FBXW4: variants seen among roughly 807,000 people sequenced by gnomAD.
FBXW4 encodes the protein F-box/WD repeat-containing protein 4.
In FBXW4, 40 loss-of-function variants were observed where a neutral mutation model predicts 61.8. The observed-to-expected ratio is 0.65, with a 90% CI of 0.50 to 0.84. The LOEUF (loss-of-function observed/expected upper bound fraction) is 0.84, where lower values mean the gene tolerates loss of function less well. FBXW4 is among the 40% of genes least tolerant of loss of function. The pLI, the probability that FBXW4 is intolerant of heterozygous loss-of-function variation, is 0.00. For missense variants in FBXW4, 672 were observed against 753.8 expected (o/e 0.89, Z 1.27); for synonymous variants, 311 against 313.8 (o/e 0.99, Z 0.10).
At position 101,612,412 on chromosome 10, in the gene FBXW4, TA is replaced by T; in HGVS notation, c.1366del (p.Tyr456MetfsTer77). On this transcript the variant is annotated frameshift_variant, in exon 7 of 9. Transcript: ENST00000331272. LOFTEE classifies it high-confidence loss of function. ...GGACAGCAGTGTGAAAGGGGACTCA[TA>T]CATGACATCCAGCACCCCAGCCCCT... ...PPGAGVLDVM[Y>X]ESPFTLLSCG... The T allele has an allele frequency of 6.3e-7, 1 of 1,599,876 alleles. No homozygotes were observed. Among genetic ancestry groups the T allele is most frequent in the Non-Finnish European group, 8.5e-7 (1 of 1,172,870 alleles).
At chr10:101,638,208 G>A (rs2064020987) in intron 5 of FBXW4, among the ~76,000 whole-genome samples, 1 of 152,162 alleles carries the variant, frequency 6.6e-6, no homozygotes, top group Non-Finnish European at 1.5e-5. Context: ...TAACCTACGT[G>A]TCCATCAGTA....
chr10:101,616,847 C>T (rs537681922), intron 6 of FBXW4, among the ~76,000 whole-genome samples: 2 of 152,214 alleles, frequency 1.3e-5, no homozygotes, highest in Non-Finnish European at 2.9e-5. Flanking sequence ...CTAGTCCAGG[C>T]CCCGATTGTA....
intron 5 of FBXW4, among the ~76,000 whole-genome samples, chr10:101,645,967 G>A: frequency 6.6e-6 from 1 of 152,194 alleles, no homozygotes; most frequent in East Asian, 1.9e-4. Context: ...GTAAACTGAG[G>A]ATGATGATGG....
intron 5 of FBXW4, among the ~76,000 whole-genome samples, chr10:101,649,113 C>T (rs2064125199): frequency 2.0e-5 from 3 of 152,136 alleles, no homozygotes; most frequent in Admixed American, 2.0e-4. Context: ...TGTACTCTTC[C>T]TCTTGTAATG....
At chr10:101,693,077 AT>A (rs981304074) in intron 1 of FBXW4, among the ~76,000 whole-genome samples, 3 of 152,186 alleles carry the variant, frequency 2.0e-5, no homozygotes, top group Non-Finnish European at 4.4e-5. Flanking sequence ...ATGGGAATAT[AT>A]TTATCCCAGC....
chr10:101,628,517 G>T (rs971147687), intron 5 of FBXW4, among the ~76,000 whole-genome samples: 10 of 152,196 alleles, frequency 6.6e-5, no homozygotes, highest in Non-Finnish European at 1.3e-4. Flanking sequence ...AAAATTTGTG[G>T]AACTGAACTA....
chr10:101,622,490 G>A (rs893383347), intron 6 of FBXW4, among the ~76,000 whole-genome samples: 3 of 152,190 alleles, frequency 2.0e-5, no homozygotes, highest in African/African-American at 7.2e-5. Flanking sequence ...CACTTTGGGA[G>A]GCCGAGGCAG....
chr10:101,690,750 G>C (rs1304849768), intron 1 of FBXW4, among the ~76,000 whole-genome samples: 2 of 152,168 alleles, frequency 1.3e-5, no homozygotes, highest in African/African-American at 4.8e-5. Context: ...CTTCGTCCCG[G>C]AGTGCAGGCC....
chr10:101,611,384 G>A lies in FBXW4; in HGVS notation c.1611C>T (p.Leu537=). ...LHAFPLTSTP[L]SSPVYCLRLT... ...GACGCAGGCAGTACACAGGGCTGCT[G>A]AGGGGAGTCGACGTCAGCGGGAAGG... The change falls in exon 9 of 9, where the codon CTC becomes CTT. Residue 537 remains leucine (L), a synonymous_variant. Coordinates refer to ENST00000331272, the MANE Select transcript of FBXW4 (RefSeq NM_022039.4). The surrounding 1 kb of genome is among the most constrained non-coding windows in gnomAD (Gnocchi z 4.9). The A allele has an allele frequency of 6.2e-7, 1 of 1,614,050 alleles. No individual in the cohort carries two copies. The highest frequency in any genetic ancestry group is 8.5e-7 in the Non-Finnish European group (1 of 1,179,976).
Position 101,694,346 on chromosome 10 carries a change from C to CGGGGCGG in FBXW4, c.725+28_725+34dup. ...CCTTTCCCGGGACGCGGGGCCGGCTCGGGGCGGGGAGCGGGCGGGCGAGCG... is the reference window on the plus strand; with the variant it reads ...CCTTTCCCGGGACGCGGGGCCGGCTCGGGGCGGGGGGCGGGGAGCGGGCGGGCGAGCG... On this transcript the variant is annotated intron_variant, in intron 1 of 8. Transcript: ENST00000331272. This position sits in a 1 kb window ranked among gnomAD's most constrained non-coding sequence, Gnocchi z 6.0. The CGGGGCGG allele has an allele frequency of 1.5e-6, 2 of 1,346,384 alleles. No homozygotes were observed. The highest frequency in any genetic ancestry group is 1.9e-6 in the Non-Finnish European group (2 of 1,056,462). The allele number at this position is 1,346,384 out of a possible 1,614,324, so 83.4% of individuals were successfully genotyped here.
Position 101,673,190 on chromosome 10 carries a change from T to C in FBXW4, c.1008-143A>G, listed in dbSNP as rs1030713911. The C allele has an allele frequency of 7.8e-6, 8 of 1,026,060 alleles. No individual in the cohort carries two copies. The East Asian group carries it at 1.8e-4, about 23-fold the overall frequency. 63.6% of individuals were successfully genotyped at this position (1,026,060 alleles called of 1,614,324 possible). ...CAATTCAGCCCAGTAAGGTGCTGAC[T>C]TTCTAGATACCTTTACTTCTTCAGC... On this transcript the variant is annotated intron_variant, in intron 3 of 8. Coordinates refer to ENST00000331272, the MANE Select transcript of FBXW4 (RefSeq NM_022039.4).
At chr10:101,666,954 G>A (rs1202061208) in intron 5 of FBXW4, among the ~76,000 whole-genome samples, 3 of 151,154 alleles carry the variant, frequency 2.0e-5, no homozygotes, top group African/African-American at 7.3e-5. Flanking sequence ...TTCTAGGGCT[G>A]GGCACAGTGG....
At chr10:101,635,664 G>A (rs1458831167) in intron 5 of FBXW4, among the ~76,000 whole-genome samples, 3 of 152,030 alleles carry the variant, frequency 2.0e-5, no homozygotes, top group East Asian at 3.9e-4. Context: ...GTAAGACCCT[G>A]TCTTTACAAA....
In FBXW4 at chr10:101,611,058, C is replaced by A. The variant is rs535051082; in HGVS notation, c.*233G>T. Reference sequence around the variant, plus strand: ...GACGCAAGGCCCGGGTTCAGCCGCACTCTAAAGCAGCAGGTCCTGCCTCTC... The same window carrying A: ...GACGCAAGGCCCGGGTTCAGCCGCAATCTAAAGCAGCAGGTCCTGCCTCTC... On this transcript the variant is annotated 3_prime_UTR_variant, in exon 9 of 9. Coordinates refer to ENST00000331272, the MANE Select transcript of FBXW4 (RefSeq NM_022039.4). This position sits in a 1 kb window ranked among gnomAD's most constrained non-coding sequence, Gnocchi z 4.9. The A allele has an allele frequency of 8.7e-4, 424 of 486,588 alleles. 1 individual carries two copies. The highest frequency in any genetic ancestry group is 7.3e-3 in the African/African-American group (375 of 51,212). The allele number at this position is 486,588 out of a possible 1,614,324, so 30.1% of individuals were successfully genotyped here.
intron 6 of FBXW4, among the ~76,000 whole-genome samples, chr10:101,620,044 A>C (rs1168618004): frequency 6.6e-6 from 1 of 152,136 alleles, no homozygotes; most frequent in Non-Finnish European, 1.5e-5. Context: ...GCTTAGGGCA[A>C]ACTGCCCCTC....
At chr10:101,632,593 A>AG (rs2063968191) in intron 5 of FBXW4, among the ~76,000 whole-genome samples, 1 of 152,236 alleles carries the variant, frequency 6.6e-6, no homozygotes, top group South Asian at 2.1e-4. Flanking sequence ...ATTAATAGAG[A>AG]GGGGAAAAAA....
chr10:101,662,062 A>G (rs12255638), intron 5 of FBXW4, among the ~76,000 whole-genome samples: 151,786 of 152,348 alleles, frequency 1, 75,617 homozygotes, highest in South Asian at 1. Flanking sequence ...AAAGGACTGC[A>G]GCACCACTGG....
At chr10:101,658,494 G>C (rs899646324) in intron 5 of FBXW4, among the ~76,000 whole-genome samples, 1 of 152,146 alleles carries the variant, frequency 6.6e-6, no homozygotes, top group South Asian at 2.1e-4. Flanking sequence ...GCAGTGAGCC[G>C]AGATCGCGCC....
At chr10:101,643,845 A>G (rs2064074120) in intron 5 of FBXW4, among the ~76,000 whole-genome samples, 1 of 152,176 alleles carries the variant, frequency 6.6e-6, no homozygotes, top group Non-Finnish European at 1.5e-5. Flanking sequence ...GGCCTGGGGT[A>G]GGGAAGTGGG....
Sources: gnomAD v4.1 joint callset for allele counts (sites outside exome capture counted in the v4.1 genomes callset) on GRCh38, gnomAD v4.1.1 for gene constraint, Gnocchi (gnomAD v3.1) non-coding constraint, MANE v1.5 for transcripts, NCBI Gene and HGNC (gene_info 2026-07-23, HGNC 2026-07-21) for gene names.